Variants in DNAAF2 observed in about 807,000 individuals in gnomAD.
DNAAF2 encodes the protein dynein axonemal assembly factor 2.
A neutral mutation model predicts 48.8 loss-of-function variants in DNAAF2; 58 were observed. The ratio of observed to expected loss-of-function variants is 1.19; its 90% confidence interval spans 0.96 to 1.48. DNAAF2 has a LOEUF of 1.48. DNAAF2 is among the 40% of genes most tolerant of loss of function. The probability of loss-of-function intolerance (pLI) is 0.00; values close to 1 mark genes in which losing one functional copy is unlikely to be tolerated. For missense variants in DNAAF2, 1,241 were observed against 1,116.1 expected, an observed-to-expected ratio of 1.11 and a Z score of -1.59; for synonymous variants, 567 against 481.2, an observed-to-expected ratio of 1.18 and a Z score of -2.33.
Position 49,634,622 on chromosome 14 carries a change from G to C in DNAAF2, c.528C>G (p.Phe176Leu). ...CATTCCTGCGGTCCAGCTTCACGCC[G>C]AACTGCTTCTCGACGGCCTCCAGGG... is the stretch of plus-strand genomic sequence containing the variant. ...ATALEAVEKQ[F>L]GVKLDRRNAK... The change falls in exon 1 of 3, where the codon TTC becomes TTG. Residue 176 changes from phenylalanine to leucine, a missense_variant. Transcript: ENST00000298292. The C allele has an allele frequency of 6.2e-7, 1 of 1,607,018 alleles. No homozygotes were observed. The highest frequency in any genetic ancestry group is 8.5e-7 in the Non-Finnish European group (1 of 1,179,714).
At position 49,633,478 on chromosome 14, in the gene DNAAF2, T is replaced by G; in HGVS notation, c.1672A>C (p.Lys558Gln). The change falls in exon 1 of 3, where the codon AAA becomes CAA. Residue 558 changes from lysine to glutamine, a missense_variant. By Grantham distance (53) the Lys-to-Gln change is moderately conservative (BLOSUM62 1). Coordinates refer to ENST00000298292, the MANE Select transcript of DNAAF2 (RefSeq NM_018139.3). ...LQGDLNPLWY[K>Q]LRFSAQDLVY... ...AAGTCTTGTGCGGAGAAGCGTAATTTGTACCAGAGGGGATTCAAATCTCCT... is the reference window on the plus strand; with the variant it reads ...AAGTCTTGTGCGGAGAAGCGTAATTGGTACCAGAGGGGATTCAAATCTCCT... 6.2e-7 allele frequency: 1 copy of G among 1,614,038 alleles called. No individual in the cohort carries two copies. Among genetic ancestry groups the G allele is most frequent in the Non-Finnish European group, 8.5e-7 (1 of 1,179,890 alleles).
intron 2 of DNAAF2, among the ~76,000 whole-genome samples, chr14:49,626,799 C>CTTTTTTTTTTTTTTTTTTTTTTTTTTTT (rs34085502): frequency 1.6e-5 from 1 of 63,384 alleles, no homozygotes; most frequent in Non-Finnish European, 2.7e-5. Flanking sequence ...TGCTGCCAGT[C>CTTTTTTTTTTTTTTTTTTTTTTTTTTTT]TTTTTTTTTT....
intron 2 of DNAAF2, among the ~76,000 whole-genome samples, chr14:49,627,592 A>G (rs939513350): frequency 6.6e-6 from 1 of 152,186 alleles, no homozygotes; most frequent in Non-Finnish European, 1.5e-5. Flanking sequence ...GCGGTGGCTC[A>G]TGCCTGTAAT....
At chr14:49,626,193 A>C in intron 2 of DNAAF2, 145 bp from the exon 3 acceptor site, 1 of 607,660 alleles carries the variant, frequency 1.6e-6, no homozygotes, top group Non-Finnish European at 2.4e-6. Context: ...TTCCTGTCAA[A>C]ATTCATCCTC....
chr14:49,632,098 G>A lies in DNAAF2; in HGVS notation c.1863+1189C>T, dbSNP rs532478924. Among the ~76,000 whole-genome samples the A allele has an allele frequency of 3.3e-5, 5 of 152,298 alleles. No homozygotes were observed. In the South Asian group the frequency reaches 1.0e-3, roughly 32 times the overall value. ...GCATACTTGAAAATCGGATTAAAAT[G>A]TATTATTGAATATTTTCTTAATTGC... On this transcript the variant is annotated intron_variant, in intron 1 of 2. Transcript: ENST00000298292.
intron 1 of DNAAF2, among the ~76,000 whole-genome samples, chr14:49,630,610 A>C (rs1883125627): frequency 6.7e-6 from 1 of 150,066 alleles, no homozygotes; most frequent in African/African-American, 2.4e-5. Context: ...ATTCAGGGCA[A>C]CTTGAATATG....
intron 2 of DNAAF2, 132 bp from the exon 3 acceptor site, chr14:49,626,180 G>C: frequency 1.4e-6 from 1 of 700,832 alleles, no homozygotes; most frequent in Non-Finnish European, 2.0e-6. Flanking sequence ...ATACATCCAG[G>C]CTTTCCTGTC....
rs1883297537 is a variant in DNAAF2, at chr14:49,634,852, C to T, written c.298G>A (p.Ala100Thr). 6.5e-7 allele frequency: 1 copy of T among 1,545,862 alleles called. No individual in the cohort carries two copies. The highest frequency in any genetic ancestry group is 2.4e-5 in the East Asian group (1 of 40,886). The change falls in exon 1 of 3, where the codon GCG (alanine) becomes ACG (threonine). Residue 100 changes from alanine to threonine, a missense_variant. Ala to Thr is a moderately conservative substitution (Grantham distance 58). Coordinates refer to ENST00000298292, the MANE Select transcript of DNAAF2 (RefSeq NM_018139.3). ...CCGGAGCCGGGCCGGCTGCTGGGCG[C>T]GCCCACCAACGCGTTGCTGCAGACA... is the stretch of plus-strand genomic sequence containing the variant. ...VNVCSNALVG[A>T]PSSRPGSGGD...
intron 1 of DNAAF2, among the ~76,000 whole-genome samples, chr14:49,630,612 TTGAATA>T (rs1396613110): frequency 6.7e-6 from 1 of 148,426 alleles, no homozygotes; most frequent in Non-Finnish European, 1.5e-5. Context: ...TCAGGGCAAC[TTGAATA>T]TGTGTTTCCC....
At chr14:49,626,494 GAA>G (rs1364216535) in intron 2 of DNAAF2, among the ~76,000 whole-genome samples, 1 of 152,070 alleles carries the variant, frequency 6.6e-6, no homozygotes, top group Non-Finnish European at 1.5e-5. Flanking sequence ...GTCAAAAAAA[GAA>G]AAAGACAGGC....
chr14:49,633,221 G>T (rs1384270037), intron 1 of DNAAF2, 66 bp downstream of exon 1: 2 of 1,576,216 alleles, frequency 1.3e-6, no homozygotes, highest in African/African-American at 2.7e-5. Flanking sequence ...CGCCCGGCCG[G>T]TAATAGCAAA....
At position 49,634,057 on chromosome 14, in the gene DNAAF2, C is replaced by A; in HGVS notation, c.1093G>T (p.Ala365Ser). The A allele has an allele frequency of 1.3e-6, 2 of 1,518,856 alleles. No individual in the cohort carries two copies. Among genetic ancestry groups the A allele is most frequent in the Non-Finnish European group, 8.8e-7 (1 of 1,137,254 alleles). The allele number at this position is 1,518,856 out of a possible 1,614,324, so 94.1% of individuals were successfully genotyped here. A position where few individuals can be genotyped will look rare whatever the true frequency, so the allele number is the denominator to read the frequency against. ...REPAVAVAAA[A>S]PEESADRSGT... The stretch of plus-strand genomic sequence containing the variant: ...GACCGGTCCGCGGACTCTTCCGGCG[C>A]GGCGGCGGCGACGGCGACAGCGGGC... The change falls in exon 1 of 3, where the codon GCG becomes TCG. Residue 365 changes from alanine to serine, a missense_variant. Ala to Ser is a moderately conservative substitution (Grantham distance 99). Transcript: ENST00000298292.
At chr14:49,626,921 T>G (rs1329160751) in intron 2 of DNAAF2, among the ~76,000 whole-genome samples, 2 of 151,376 alleles carry the variant, frequency 1.3e-5, no homozygotes, top group Admixed American at 1.3e-4. Flanking sequence ...TTCTCCTGCT[T>G]CAGCCTCCCA....
rs1182234462 is a variant in DNAAF2, at chr14:49,633,456, T to C, written c.1694A>G (p.Asp565Gly). The C allele has an allele frequency of 6.2e-7, 1 of 1,613,918 alleles. No homozygotes were observed. The highest frequency in any genetic ancestry group is 1.3e-5 in the African/African-American group (1 of 74,932). ...LWYKLRFSAQDLVYSFFLQFA... is the reference protein window; with the variant it reads ...LWYKLRFSAQGLVYSFFLQFA... ...TTGCAAAAAGAAGGAATAAACTAAG[T>C]CTTGTGCGGAGAAGCGTAATTTGTA... The change falls in exon 1 of 3, where the codon GAC (aspartate) becomes GGC (glycine). Residue 565 changes from aspartate to glycine, a missense_variant. Coordinates refer to ENST00000298292, the MANE Select transcript of DNAAF2 (RefSeq NM_018139.3).
Position 49,625,947 on chromosome 14 carries a change from G to T in DNAAF2, c.2109C>A (p.Thr703=). Residue 703 remains threonine, a synonymous_variant, in exon 3 of 3, where the codon ACC becomes ACA. Transcript: ENST00000298292. ...TEKEYIEHCN[T]PTTDSDSSIA... ...TAGATGAATCAGAATCAGTTGTAGG[G>T]GTGTTACAATGTTCTATATATTCCT... is the stretch of plus-strand genomic sequence containing the variant. 1.9e-6 allele frequency: 3 copies of T among 1,612,704 alleles called. No individual in the cohort carries two copies. Among genetic ancestry groups the T allele is most frequent in the Non-Finnish European group, 2.5e-6 (3 of 1,179,572 alleles).
Position 49,625,354 on chromosome 14 carries a change from A to G in DNAAF2, c.*188T>C. ...TCTCCATAAGGAAACTTTAAACTCCAGAGGCAAAAAAAAAAAAATTATCTC... is the reference window on the plus strand; with the variant it reads ...TCTCCATAAGGAAACTTTAAACTCCGGAGGCAAAAAAAAAAAAATTATCTC... On this transcript the variant is annotated 3_prime_UTR_variant, in exon 3 of 3. Transcript: ENST00000298292. The G allele has an allele frequency of 2.6e-6, 1 of 388,844 alleles. No individual in the cohort carries two copies. The highest frequency in any genetic ancestry group is 4.5e-6 in the Non-Finnish European group (1 of 223,322). 24.1% of individuals were successfully genotyped at this position (388,844 alleles called of 1,614,324 possible).
At position 49,634,266 on chromosome 14, in the gene DNAAF2, G is replaced by A; in HGVS notation, c.884C>T (p.Ala295Val). ...ITIELPLLRS[A>V]EQAALEVTRK... ...CGTTACCTCCAGCGCCGCCTGCTCG[G>A]CCGAGCGCAACAGCGGCAGTTCGAT... Residue 295 changes from alanine to valine, a missense_variant, in exon 1 of 3, where the codon GCC becomes GTC. Ala to Val is a moderately conservative substitution (Grantham distance 64). Transcript: ENST00000298292. The A allele has an allele frequency of 1.2e-6, 2 of 1,612,218 alleles. No homozygotes were observed. The highest frequency in any genetic ancestry group is 1.7e-6 in the Non-Finnish European group (2 of 1,179,796).
In DNAAF2 at chr14:49,633,959, G is replaced by A. The variant is rs1404363594; in HGVS notation, c.1191C>T (p.Asp397=). Residue 397 remains aspartate, a synonymous_variant, in exon 1 of 3, where the codon GAC becomes GAT. Transcript: ENST00000298292. ...CAGCCACGCAGGTATCGTGGCCTCC[G>A]TCCTCCGCGCGACTCCTCGCGGGTC... The part of the protein sequence containing the change: ...EAGPARSRAE[D]GGHDTCVAGA... 9 of 1,529,150 alleles carry A rather than the reference G, an allele frequency of 5.9e-6. No homozygotes were observed. The East Asian group carries it at 2.2e-4, about 38-fold the overall frequency. 94.7% of individuals were successfully genotyped at this position (1,529,150 alleles called of 1,614,324 possible).
intron 2 of DNAAF2, among the ~76,000 whole-genome samples, chr14:49,627,350 G>A (rs1883035093): frequency 6.6e-6 from 1 of 152,076 alleles, no homozygotes; most frequent in Admixed American, 6.6e-5. Flanking sequence ...CTATAAAAAT[G>A]ACCAAAATTA....
Sources: gnomAD v4.1 joint callset for allele counts (sites outside exome capture counted in the v4.1 genomes callset) on GRCh38, gnomAD v4.1.1 for gene constraint, MANE v1.5 for transcripts, NCBI Gene and HGNC (gene_info 2026-07-23, HGNC 2026-07-21) for gene names.